The following DNPEP variants were observed in gnomAD, a reference collection of about 807,000 sequenced individuals.
DNPEP encodes the protein aspartyl aminopeptidase.
DNPEP carries 46 observed loss-of-function variants against 59.1 expected under a neutral mutation model. The ratio of observed to expected loss-of-function variants is 0.78; its 90% CI spans 0.61 to 0.99. The LOEUF is 0.99. DNPEP is among the 50% of genes least tolerant of loss of function. DNPEP has a pLI of 0.00. For synonymous variants in DNPEP, 229 were observed against 242.2 expected (o/e 0.95, Z 0.50); for missense variants, 617 against 649.9 (o/e 0.95, Z 0.55).
Position 219,386,316 on chromosome 2 carries a change from G to A in DNPEP, c.429C>T (p.Asp143=), listed in dbSNP as rs1399396828. The change falls in exon 5 of 15, where the codon GAC becomes GAT. Residue 143 remains aspartate (D), a synonymous_variant. Transcript: ENST00000273075. ...GGIWSTWFDR[D]LTLAGRVIVK... ...CAATGACGCGTCCAGCCAGAGTCAG[G>A]TCACGGTCAAACCAGGTGCTCCAGA... 1.2e-6 allele frequency: 2 copies of A among 1,614,076 alleles called. No homozygotes were observed. Among genetic ancestry groups the A allele is most frequent in the Non-Finnish European group, 1.7e-6 (2 of 1,180,044 alleles).
chr2:219,378,485 G>A (rs1178126159), intron 13 of DNPEP, among the ~76,000 whole-genome samples: 4 of 152,174 alleles, frequency 2.6e-5, no homozygotes, highest in African/African-American at 2.4e-5. Flanking sequence ...TCAGCTTTCC[G>A]AAAGGAAGAG....
In DNPEP at chr2:219,387,869, G is replaced by GC; in HGVS notation, c.-76dup. On this transcript the variant is annotated 5_prime_UTR_variant, in exon 1 of 15. Transcript: ENST00000273075. ...CACTAGCTTTGCAGGTCCCCCGCGTGCCCCTTCAGGCCGCGCCGCACTCGT... is the reference window on the plus strand; with the variant it reads ...CACTAGCTTTGCAGGTCCCCCGCGTGCCCCCTTCAGGCCGCGCCGCACTCGT... The GC allele has an allele frequency of 6.9e-7, 1 of 1,459,746 alleles. No homozygotes were observed. 90.4% of individuals were successfully genotyped at this position (1,459,746 alleles called of 1,614,324 possible).
chr2:219,381,263 T>TG (rs1953583454), intron 13 of DNPEP, 72 bp downstream of exon 13: 10 of 1,362,040 alleles, frequency 7.3e-6, no homozygotes, highest in Non-Finnish European at 9.4e-6. Context: ...TCCCTGTTCA[T>TG]GGGGGGCCCA....
chr2:219,385,279 C>T, intron 8 of DNPEP, 145 bp downstream of exon 8: 1 of 602,746 alleles, frequency 1.7e-6, no homozygotes, highest in Non-Finnish European at 3.0e-6. Flanking sequence ...GCCCTAGAAG[C>T]AGTGGGGGAT....
intron 1 of DNPEP, among the ~76,000 whole-genome samples, chr2:219,396,824 G>A (rs911949786): frequency 6.6e-6 from 1 of 152,102 alleles, no homozygotes; most frequent in South Asian, 2.1e-4. Context: ...AACCATCTGG[G>A]GAAACTGAGT....
rs757555610 is a variant in DNPEP at position 219,385,705 on chromosome 2, C to T, written c.592G>A (p.Val198Ile). 6.2e-7 allele frequency: 1 copy of T among 1,601,856 alleles called. No individual in the cohort carries two copies. The highest frequency in any genetic ancestry group is 8.5e-7 in the Non-Finnish European group (1 of 1,173,586). ...NFGPNTEMHL[V>I]PILATAIQEE... ...TGGATGGCTGTGGCAAGAATGGGGA[C>T]TCTGTGGGGAGACGTGGGTTGTGGG... The change falls in exon 7 of 15, where the codon GTC becomes ATC. Residue 198 changes from valine (V) to isoleucine (I), a missense_variant and splice_region_variant. Coordinates refer to ENST00000273075, the MANE Select transcript of DNPEP (RefSeq NM_012100.4).
Position 219,385,498 on chromosome 2 carries a change from G to C in DNPEP, c.700C>G (p.Leu234Val). The change falls in exon 8 of 15, where the codon CTC becomes GTC. Residue 234 changes from leucine (L) to valine (V), a missense_variant. Coordinates refer to ENST00000273075, the MANE Select transcript of DNPEP (RefSeq NM_012100.4). ...ERHHSVLMSL[L>V]CAHLGLSPKD... Reference sequence around the variant, plus strand: ...GGGCTCAGCCCCAGATGGGCACAGAGCAGGGACATGAGGACCGAATGGTGC... The same window carrying C: ...GGGCTCAGCCCCAGATGGGCACAGACCAGGGACATGAGGACCGAATGGTGC... 1 of 1,606,662 alleles carries C rather than the reference G, an allele frequency of 6.2e-7. No homozygotes were observed. Among genetic ancestry groups the C allele is most frequent in the East Asian group, 2.2e-5 (1 of 44,576 alleles).
chr2:219,385,814 C>G (rs1428769571), intron 6 of DNPEP, 108 bp from the exon 7 acceptor site: 1 of 1,422,596 alleles, frequency 7.0e-7, no homozygotes, highest in Non-Finnish European at 9.5e-7. Flanking sequence ...CCCTTCAATT[C>G]CCAGCCCACT....
chr2:219,383,198 C>G lies in DNPEP; in HGVS notation c.869G>C (p.Cys290Ser), dbSNP rs1953672561. 2 of 1,614,038 alleles carry G rather than the reference C, an allele frequency of 1.2e-6. No individual in the cohort carries two copies. Among genetic ancestry groups the G allele is most frequent in the Non-Finnish European group, 1.7e-6 (2 of 1,180,002 alleles). The change falls in exon 10 of 15, where the codon TGT (cysteine) becomes TCT (serine). Residue 290 changes from cysteine to serine, a missense_variant. By Grantham distance (112) the Cys-to-Ser change is moderately radical. Coordinates refer to ENST00000273075, the MANE Select transcript of DNPEP (RefSeq NM_012100.4). ...TGTGGCCAGGGAGCCAGGGCCTGCA[C>G]AGGAATCTATCAAGGCCTGGTTCAG... ...FCALQALIDS[C>S]AGPGSLATEP...
rs369000577 is a variant in DNPEP, at chr2:219,386,418, G to A, written c.334-7C>T. On this transcript the variant is annotated splice_polypyrimidine_tract_variant and splice_region_variant and intron_variant, in intron 4 of 14. Coordinates refer to ENST00000273075, the MANE Select transcript of DNPEP (RefSeq NM_012100.4). Reference sequence around the variant, plus strand: ...GGCGAGACCGACGTTTCACCTGAGTGTAAAGATGGAGAAGTCAGAGAAGGC... The same window carrying A: ...GGCGAGACCGACGTTTCACCTGAGTATAAAGATGGAGAAGTCAGAGAAGGC... The A allele has an allele frequency of 6.2e-7, 1 of 1,614,228 alleles. No homozygotes were observed. The highest frequency in any genetic ancestry group is 8.5e-7 in the Non-Finnish European group (1 of 1,180,040).
At position 219,387,178 on chromosome 2, in the gene DNPEP, T is replaced by C. The variant is rs2125144360; in HGVS notation, c.37-15A>G. 1 of 1,551,916 alleles carries C rather than the reference T, an allele frequency of 6.4e-7. No homozygotes were observed. The highest frequency in any genetic ancestry group is 8.7e-7 in the Non-Finnish European group (1 of 1,147,378). On this transcript the variant is annotated splice_polypyrimidine_tract_variant and intron_variant, in intron 1 of 14. Transcript: ENST00000273075. The stretch of plus-strand genomic sequence containing the variant: ...TTCATGGCCACCTAGGGGAGGGGGA[T>C]GCTCAGACTTTTACAAGGTCTGGGA...
rs2125120975 is a variant in DNPEP, at chr2:219,372,829, T to G, written c.*1463A>C. Among the ~76,000 whole-genome samples the G allele has an allele frequency of 6.6e-6, 1 of 152,338 alleles. No homozygotes were observed. Among genetic ancestry groups the G allele is most frequent in the South Asian group, 2.1e-4 (1 of 4,830 alleles). ...TGGACATTTCATAGTGTATTTGGGCTTGCCTTTACTGAGAAATCTTTAGAT... is the reference window on the plus strand; with the variant it reads ...TGGACATTTCATAGTGTATTTGGGCGTGCCTTTACTGAGAAATCTTTAGAT... On this transcript the variant is annotated 3_prime_UTR_variant, in exon 15 of 15. Transcript: ENST00000273075.
chr2:219,391,528 A>T (rs1185582651), upstream of DNPEP, among the ~76,000 whole-genome samples: 2 of 152,176 alleles, frequency 1.3e-5, no homozygotes, highest in Non-Finnish European at 2.9e-5. Context: ...GGTTTTCATT[A>T]TCTGTAATAT....
Position 219,386,909 on chromosome 2 carries a change from T to C in DNPEP, c.202A>G (p.Ile68Val). The C allele has an allele frequency of 1.3e-6, 2 of 1,580,932 alleles. No individual in the cohort carries two copies. Among genetic ancestry groups the C allele is most frequent in the Non-Finnish European group, 1.7e-6 (2 of 1,152,564 alleles). The change falls in exon 3 of 15, where the codon ATT becomes GTT. Residue 68 changes from isoleucine (I) to valine (V), a missense_variant. By Grantham distance (29) the Ile-to-Val change is conservative. Transcript: ENST00000273075. The stretch of plus-strand genomic sequence containing the variant: ...CCCAGTACCTTGCTCTCGGGCTTAA[T>C]ATTCCATTTCTCAGTCTCCTTGAGT... ...SELKETEKWNIKPESKYFMTR... is the reference protein window; with the variant it reads ...SELKETEKWNVKPESKYFMTR...
At chr2:219,385,898 C>T in intron 6 of DNPEP, 70 bp downstream of exon 6, 2 of 1,584,992 alleles carry the variant, frequency 1.3e-6, no homozygotes, top group South Asian at 1.1e-5. Flanking sequence ...CTAATGGCTA[C>T]CATTAGGTAA....
chr2:219,387,919 C>G, upstream of DNPEP: 2 of 1,371,642 alleles, frequency 1.5e-6, no homozygotes, highest in Non-Finnish European at 1.9e-6. Flanking sequence ...CTTCCCCGGC[C>G]GCGCCGCCCC....
intron 13 of DNPEP, 105 bp from the exon 14 acceptor site, chr2:219,375,127 T>C: frequency 8.3e-7 from 1 of 1,208,516 alleles, no homozygotes; most frequent in Non-Finnish European, 1.2e-6. Context: ...TGGGAGATGG[T>C]CCATTCGGAG....
chr2:219,390,569 A>G (rs1210706478), upstream of DNPEP, among the ~76,000 whole-genome samples: 1 of 152,236 alleles, frequency 6.6e-6, no homozygotes. Context: ...TAAAAATGAG[A>G]TAACAGTTGG....
At chr2:219,376,547 T>C (rs541454412) in intron 13 of DNPEP, among the ~76,000 whole-genome samples, 1 of 151,870 alleles carries the variant, frequency 6.6e-6, no homozygotes, top group South Asian at 2.1e-4. Context: ...TGTCACTATT[T>C]GAGACGACAT....
Sources: gnomAD v4.1 joint callset for allele counts (sites outside exome capture counted in the v4.1 genomes callset) on GRCh38, gnomAD v4.1.1 for gene constraint, MANE v1.5 for transcripts, NCBI Gene and HGNC (gene_info 2026-07-23, HGNC 2026-07-21) for gene names.